Variants in POC1B observed in about 807,000 individuals in gnomAD.
POC1B encodes the protein POC1 centriolar protein B.
POC1B carries 44 observed loss-of-function variants against 60.6 expected under a neutral mutation model. The ratio of observed to expected loss-of-function variants is 0.73; its 90% CI spans 0.57 to 0.93. The LOEUF (loss-of-function observed/expected upper bound fraction) is 0.93. Ranked by LOEUF, POC1B falls within the 40% of genes least tolerant of loss-of-function variation. The probability of loss-of-function intolerance (pLI) is 0.00; values close to 1 mark genes in which losing one functional copy is unlikely to be tolerated. For missense variants in POC1B, 555 were observed against 572.3 expected (o/e 0.97, Z 0.31); for synonymous variants, 180 against 198.9 (o/e 0.90, Z 0.80).
At chr12:89,431,475 G>GT (rs1263717336) in intron 10 of POC1B, among the ~76,000 whole-genome samples, 1 of 151,422 alleles carries the variant, frequency 6.6e-6, no homozygotes, top group Non-Finnish European at 1.5e-5. Flanking sequence ...ACACACACAC[G>GT]TATGTATAAA....
rs187680448 is a variant in POC1B at position 89,476,560 on chromosome 12, T to C, written c.453-4285A>G. 2.0e-5 allele frequency among the ~76,000 whole-genome samples: 3 copies of C among 152,060 alleles called. No individual in the cohort carries two copies. The East Asian group carries it at 5.8e-4, about 30-fold the overall frequency. On this transcript the variant is annotated intron_variant, in intron 4 of 11. Transcript: ENST00000313546. ...CCATCTCTGCTAAAAATGCAAAAAT[T>C]AGCTGGGCCTGGTGGTGCATGCCTG...
At chr12:89,439,340 C>T (rs1881416670) in intron 10 of POC1B, among the ~76,000 whole-genome samples, 1 of 152,180 alleles carries the variant, frequency 6.6e-6, no homozygotes, top group East Asian at 1.9e-4. Context: ...CCCACAGACA[C>T]AGCCTTTGTA....
intron 8 of POC1B, 81 bp from the exon 9 acceptor site, chr12:89,467,003 C>A: frequency 8.5e-7 from 1 of 1,175,272 alleles, no homozygotes; most frequent in Non-Finnish European, 1.2e-6. Context: ...CCACAATATA[C>A]AGAATTGTCT....
At chr12:89,421,332 G>A (rs1880524884) in intron 11 of POC1B, 75 bp from the exon 12 acceptor site, 2 of 1,264,786 alleles carry the variant, frequency 1.6e-6, no homozygotes, top group South Asian at 1.5e-5. Context: ...CTCTGCATAG[G>A]AAATCCTTTT....
chr12:89,523,135 AG>A, intron 2 of POC1B: 1 of 1,613,886 alleles, frequency 6.2e-7, no homozygotes, highest in African/African-American at 1.3e-5. Context: ...AAACAGTGAA[AG>A]GTTAGCACCT....
intron 9 of POC1B, among the ~76,000 whole-genome samples, chr12:89,462,672 AG>A (rs1882524732): frequency 6.6e-6 from 1 of 152,212 alleles, no homozygotes; most frequent in South Asian, 2.1e-4. Context: ...TTTATATTGA[AG>A]CATTACATCA....
At chr12:89,497,070 G>A in intron 3 of POC1B, 101 bp downstream of exon 3, 1 of 1,212,594 alleles carries the variant, frequency 8.2e-7, no homozygotes, top group Non-Finnish European at 1.1e-6. Context: ...ATGTGACTGA[G>A]AATAACAGTG....
At chr12:89,450,073 T>C (rs1451367740) in intron 10 of POC1B, among the ~76,000 whole-genome samples, 1 of 152,120 alleles carries the variant, frequency 6.6e-6, no homozygotes, top group Non-Finnish European at 1.5e-5. Context: ...TTTCTTTGCA[T>C]AGAATCCAAA....
intron 3 of POC1B, among the ~76,000 whole-genome samples, chr12:89,494,252 T>C (rs1175798636): frequency 1.3e-5 from 2 of 152,122 alleles, no homozygotes; most frequent in African/African-American, 2.4e-5. Flanking sequence ...GGTCTCGCTA[T>C]GTTGCCCATG....
chr12:89,498,215 T>C (rs1257378805), intron 2 of POC1B, among the ~76,000 whole-genome samples: 1 of 152,194 alleles, frequency 6.6e-6, no homozygotes, highest in Non-Finnish European at 1.5e-5. Context: ...CATTTGATGA[T>C]TAATAAAAGA....
chr12:89,405,988 GTT>G, the POC1B span, among the ~76,000 whole-genome samples: 10 of 122,316 alleles, frequency 8.2e-5, no homozygotes, highest in Admixed American at 2.5e-4. Flanking sequence ...AGTTTTGAGT[GTT>G]TTTTTTTTTT....
chr12:89,516,704 C>T (rs1057143280), intron 2 of POC1B, among the ~76,000 whole-genome samples: 1 of 152,110 alleles, frequency 6.6e-6, no homozygotes, highest in African/African-American at 2.4e-5. Flanking sequence ...TCTCACAGTT[C>T]CAGAAACCAG....
chr12:89,497,016 T>G, intron 3 of POC1B, 155 bp downstream of exon 3: 2 of 744,256 alleles, frequency 2.7e-6, no homozygotes, highest in Non-Finnish European at 2.1e-6. Context: ...GGAAAAAAAT[T>G]GTATGAATTA....
chr12:89,500,784 G>C, intron 2 of POC1B: 1 of 1,024,866 alleles, frequency 9.8e-7, no homozygotes. Flanking sequence ...ATCAGATAAA[G>C]AGGATAAAAC....
intron 11 of POC1B, among the ~76,000 whole-genome samples, chr12:89,422,303 A>C (rs1880574101): frequency 6.6e-6 from 1 of 152,146 alleles, no homozygotes; most frequent in South Asian, 2.1e-4. Flanking sequence ...TATTTCTCAG[A>C]TGTACATCCC....
intron 2 of POC1B, among the ~76,000 whole-genome samples, chr12:89,517,770 C>T (rs565292690): frequency 1.3e-5 from 2 of 152,334 alleles, no homozygotes; most frequent in South Asian, 2.1e-4. Flanking sequence ...ACCATGAACT[C>T]TTCATACCAT....
intron 9 of POC1B, among the ~76,000 whole-genome samples, chr12:89,466,368 T>C (rs1882685039): frequency 1.3e-5 from 2 of 152,310 alleles, no homozygotes; most frequent in South Asian, 4.1e-4. Context: ...TACCTGTCCA[T>C]AAGATTTTTT....
chr12:89,492,679 T>G (rs1180302536), intron 3 of POC1B, among the ~76,000 whole-genome samples: 1 of 152,188 alleles, frequency 6.6e-6, no homozygotes, highest in African/African-American at 2.4e-5. Context: ...CTGCACCTCA[T>G]CCTGTATTTT....
intron 4 of POC1B, among the ~76,000 whole-genome samples, chr12:89,476,047 C>G (rs1400663368): frequency 1.3e-5 from 2 of 149,558 alleles, no homozygotes; most frequent in African/African-American, 4.9e-5. Flanking sequence ...ACTGGGATTA[C>G]AGGCTTGTGC....
Sources: gnomAD v4.1 joint callset for allele counts (sites outside exome capture counted in the v4.1 genomes callset) on GRCh38, gnomAD v4.1.1 for gene constraint, MANE v1.5 for transcripts, NCBI Gene and HGNC (gene_info 2026-07-23, HGNC 2026-07-21) for gene names.